The following NAE1 variants were observed in gnomAD, a reference collection of about 807,000 sequenced individuals.
NAE1 encodes NEDD8-activating enzyme E1 regulatory subunit.
A neutral mutation model predicts 88.0 loss-of-function variants in NAE1; 59 were observed. The ratio of observed to expected loss-of-function variants is 0.67; its 90% confidence interval spans 0.54 to 0.83. The LOEUF is 0.83. Ranked by LOEUF, NAE1 falls within the 40% of genes least tolerant of loss-of-function variation. The pLI is 0.00. For missense variants in NAE1, 554 were observed against 632.8 expected (o/e 0.88, Z 1.34); for synonymous variants, 186 against 208.9 (o/e 0.89, Z 0.95).
At position 66,817,001 on chromosome 16, in the gene NAE1, TA is replaced by T; in HGVS notation, c.711del (p.Tyr237Ter). The T allele has an allele frequency of 6.2e-7, 1 of 1,600,690 alleles. No individual in the cohort carries two copies. Among genetic ancestry groups the T allele is most frequent in the Non-Finnish European group, 8.5e-7 (1 of 1,176,622 alleles). On this transcript the variant is annotated frameshift_variant, in exon 10 of 20. Transcript: ENST00000290810. LOFTEE classifies it high-confidence loss of function. ...SETNGRIPKTYKEKEDFRDLI... is the reference protein window; with the variant it reads ...SETNGRIPKTXKEKEDFRDLI... ...AAATCTCTGAAGTCCTCTTTTTCTT[TA>T]TACGTTTTAGGTATTCGTCCATTTG...
chr16:66,821,418 C>T (rs1006837070), intron 7 of NAE1, 32 bp downstream of exon 7: 12 of 1,488,242 alleles, frequency 8.1e-6, no homozygotes, highest in Admixed American at 2.5e-5. Context: ...CTAAAGCAAC[C>T]AATAGTAAGC....
intron 19 of NAE1, among the ~76,000 whole-genome samples, chr16:66,805,209 A>G (rs1959515376): frequency 6.6e-6 from 1 of 152,182 alleles, no homozygotes; most frequent in Admixed American, 6.5e-5. Context: ...AAGGCTGGAA[A>G]GGCCGAGTGG....
chr16:66,828,413 C>T (rs986806069), intron 1 of NAE1, among the ~76,000 whole-genome samples: 7 of 150,992 alleles, frequency 4.6e-5, no homozygotes, highest in South Asian at 2.1e-4. Context: ...ATCGCATGAA[C>T]GCAGGAGGCG....
At chr16:66,813,319 T>C (rs1413867015) in intron 13 of NAE1, 5 of 410,182 alleles carry the variant, frequency 1.2e-5, no homozygotes, top group South Asian at 7.3e-5. Context: ...ATTTTTCAAT[T>C]TGTAGAGATG....
chr16:66,805,310 G>GA (rs553097964), intron 19 of NAE1, among the ~76,000 whole-genome samples: 36 of 152,128 alleles, frequency 2.4e-4, no homozygotes, highest in Non-Finnish European at 4.9e-4. Flanking sequence ...TGGTGGGGCA[G>GA]AGGGTTAGTA....
At position 66,826,596 on chromosome 16, in the gene NAE1, A is replaced by C; in HGVS notation, c.158-13T>G. On this transcript the variant is annotated splice_polypyrimidine_tract_variant and intron_variant, in intron 2 of 19. Transcript: ENST00000290810. ...AACGAACCAATACCTGAGAGCCAAA[A>C]CAGAGTCAGTCAGGAATACATAGTT... 1 of 1,614,174 alleles carries C rather than the reference A, an allele frequency of 6.2e-7. No individual in the cohort carries two copies.
chr16:66,812,505 CCT>C (rs1220133136), intron 13 of NAE1, among the ~76,000 whole-genome samples: 3 of 151,338 alleles, frequency 2.0e-5, no homozygotes, highest in African/African-American at 4.9e-5. Flanking sequence ...AGAATTGCCC[CCT>C]AAGTTCTTTT....
chr16:66,803,161 C>T, intron 19 of NAE1, 43 bp from the exon 20 acceptor site: 5 of 1,320,396 alleles, frequency 3.8e-6, no homozygotes, highest in Non-Finnish European at 5.4e-6. Context: ...AAAGAGTAAA[C>T]TTCAAGAGTT....
intron 19 of NAE1, among the ~76,000 whole-genome samples, chr16:66,804,428 T>C (rs1445120186): frequency 6.6e-6 from 1 of 152,236 alleles, no homozygotes; most frequent in Non-Finnish European, 1.5e-5. Context: ...TACTTGGTTT[T>C]AGTTTAAAAT....
intron 11 of NAE1, among the ~76,000 whole-genome samples, chr16:66,814,400 GAACAA>G (rs1376466558): frequency 6.6e-6 from 1 of 151,960 alleles, no homozygotes; most frequent in Non-Finnish European, 1.5e-5. Flanking sequence ...AGACCAACCT[GAACAA>G]AACAGGAAGA....
chr16:66,827,554 C>CGA (rs1387443310), intron 1 of NAE1: 1 of 142,498 alleles, frequency 7.0e-6, no homozygotes, highest in Non-Finnish European at 1.5e-5. Flanking sequence ...GGCGACAGAG[C>CGA]GAGACTCCGT....
intron 9 of NAE1, 109 bp downstream of exon 9, chr16:66,817,316 A>G: frequency 1.0e-6 from 1 of 967,920 alleles, no homozygotes. Flanking sequence ...GCCCTACCAT[A>G]CAACTCCATA....
intron 1 of NAE1, among the ~76,000 whole-genome samples, chr16:66,828,356 T>C (rs139096303): frequency 7.4e-4 from 112 of 152,094 alleles, no homozygotes; most frequent in Non-Finnish European, 1.3e-3. Flanking sequence ...CCAGGCACAG[T>C]GGCACGCACC....
chr16:66,828,234 T>G (rs1463193594), intron 1 of NAE1: 1 of 545,740 alleles, frequency 1.8e-6, no homozygotes, highest in Non-Finnish European at 3.2e-6. Flanking sequence ...CTCACGCCTG[T>G]AATCCCAGCA....
At position 66,810,417 on chromosome 16, in the gene NAE1, T is replaced by C. The variant is rs749270417; in HGVS notation, c.1111-4A>G. On this transcript the variant is annotated splice_polypyrimidine_tract_variant and splice_region_variant and intron_variant, in intron 14 of 19. Coordinates refer to ENST00000290810, the MANE Select transcript of NAE1 (RefSeq NM_003905.4). ...TCTCTGAAATGGACTCTGGTGCCTGTAAAGAGATAAATACAGATTCTGTTC... is the reference window on the plus strand; with the variant it reads ...TCTCTGAAATGGACTCTGGTGCCTGCAAAGAGATAAATACAGATTCTGTTC... 2 of 1,598,676 alleles carry C rather than the reference T, an allele frequency of 1.3e-6. No individual in the cohort carries two copies. The highest frequency in any genetic ancestry group is 2.2e-5 in the East Asian group (1 of 44,782).
intron 1 of NAE1, chr16:66,827,875 A>C: frequency 3.2e-6 from 3 of 936,426 alleles, no homozygotes; most frequent in Non-Finnish European, 3.3e-6. Flanking sequence ...TTTTTGATAC[A>C]GGGTCTTACT....
intron 1 of NAE1, among the ~76,000 whole-genome samples, chr16:66,828,394 G>A (rs999272219): frequency 4.6e-5 from 7 of 151,994 alleles, no homozygotes; most frequent in African/African-American, 1.5e-4. Flanking sequence ...GGGAGGCTGA[G>A]GCATGAGAAT....
At chr16:66,803,165 A>G (rs190706638) in intron 19 of NAE1, 47 bp from the exon 20 acceptor site, 366 of 1,275,670 alleles carry the variant, frequency 2.9e-4, no homozygotes, top group Admixed American at 4.3e-4. Context: ...AGTAAACTTC[A>G]AGAGTTACAT....
At position 66,821,537 on chromosome 16, in the gene NAE1, C is replaced by G; in HGVS notation, c.424G>C (p.Val142Leu). 6.3e-7 allele frequency: 1 copy of G among 1,598,660 alleles called. No individual in the cohort carries two copies. The highest frequency in any genetic ancestry group is 8.5e-7 in the Non-Finnish European group (1 of 1,174,152). ...AGAGGAATCTGGGAATTCCAGAGGA[C>G]ATCTGCTAAGCGTAGTGAAGTGCTG... Reference protein sequence around the residue: ...PESTSLRLADVLWNSQIPLLI... With the variant: ...PESTSLRLADLLWNSQIPLLI... Residue 142 changes from valine to leucine, a missense_variant, in exon 7 of 20, where the codon GTC becomes CTC. Val to Leu is a conservative substitution (Grantham distance 32). Coordinates refer to ENST00000290810, the MANE Select transcript of NAE1 (RefSeq NM_003905.4).
Sources: gnomAD v4.1 joint callset for allele counts (sites outside exome capture counted in the v4.1 genomes callset) on GRCh38, gnomAD v4.1.1 for gene constraint, MANE v1.5 for transcripts, NCBI Gene and HGNC (gene_info 2026-07-23, HGNC 2026-07-21) for gene names.